Variants in CYP4F3 observed in about 807,000 individuals in gnomAD.
CYP4F3 encodes cytochrome P450 4F3.
A neutral mutation model predicts 54.8 loss-of-function variants in CYP4F3; 50 were observed. The ratio of observed to expected loss-of-function variants is 0.91; its 90% CI spans 0.73 to 1.16. The LOEUF is 1.16. Among genes scored for constraint, CYP4F3 ranks in the 50% most tolerant of loss-of-function variants. CYP4F3 has a pLI of 0.00. For missense variants in CYP4F3, 715 were observed against 676.2 expected (o/e 1.06, Z -0.64); for synonymous variants, 244 against 262.6 (o/e 0.93, Z 0.69).
In CYP4F3 at chr19:15,645,719, A is replaced by G; in HGVS notation, c.199A>G (p.Ile67Val). The part of the protein sequence containing the change: ...RNWFLGHLGL[I>V]HSSEEGLLYT... ...TTGGGTCCTGTGTCTTTCTCTCCAG[A>G]TTCACAGCTCGGAGGAAGGTCTCCT... Residue 67 changes from isoleucine to valine, a missense_variant and splice_region_variant, in exon 3 of 13, where the codon ATT (isoleucine) becomes GTT (valine). Physicochemically the swap from Ile to Val is conservative, Grantham distance 29. Coordinates refer to ENST00000221307, the MANE Select transcript of CYP4F3 (RefSeq NM_000896.3). 1 of 1,604,742 alleles carries G rather than the reference A, an allele frequency of 6.2e-7. No individual in the cohort carries two copies. Among genetic ancestry groups the G allele is most frequent in the Non-Finnish European group, 8.5e-7 (1 of 1,173,360 alleles).
chr19:15,651,712 A>C (rs531195419), intron 7 of CYP4F3, among the ~76,000 whole-genome samples: 1 of 150,064 alleles, frequency 6.7e-6, no homozygotes, highest in African/African-American at 2.5e-5. Flanking sequence ...TATGTCTATG[A>C]GTATTTGTGT....
In CYP4F3 at chr19:15,652,841, G is replaced by A. The variant is rs762644240; in HGVS notation, c.1004G>A (p.Ser335Asn). Residue 335 changes from serine (S) to asparagine (N), a missense_variant, in exon 9 of 13, where the codon AGT becomes AAT. Transcript: ENST00000221307. ...CCCCCAGGCCATGACACCACAGCCA[G>A]TGGTCTCTCCTGGGTCCTGTACCAC... ...FMFEGHDTTA[S>N]GLSWVLYHLA... 5.0e-6 allele frequency: 8 copies of A among 1,612,752 alleles called. No individual in the cohort carries two copies. In the African/African-American group the frequency reaches 8.0e-5, roughly 16 times the overall value.
intron 8 of CYP4F3, 86 bp downstream of exon 8, chr19:15,652,721 C>T: frequency 6.2e-7 from 1 of 1,607,876 alleles, no homozygotes. Flanking sequence ...CACTTCCCAT[C>T]CCCCTTCCCC....
At position 15,658,249 on chromosome 19, in the gene CYP4F3, G is replaced by A. The variant is rs770600409; in HGVS notation, c.1116-15G>A. ...TGCTCCCTTGATAAGGATTGGGGCT[G>A]GGGTGTTTCCTTAGGGACGACCTGG... On this transcript the variant is annotated splice_polypyrimidine_tract_variant and intron_variant, in intron 9 of 12. Coordinates refer to ENST00000221307, the MANE Select transcript of CYP4F3 (RefSeq NM_000896.3). 1 of 1,613,784 alleles carries A rather than the reference G, an allele frequency of 6.2e-7. No individual in the cohort carries two copies. The highest frequency in any genetic ancestry group is 8.5e-7 in the Non-Finnish European group (1 of 1,179,878).
At position 15,659,425 on chromosome 19, in the gene CYP4F3, C is replaced by T. The variant is rs780052191; in HGVS notation, c.*40C>T. The T allele has an allele frequency of 2.4e-5, 38 of 1,598,926 alleles. 1 individual carries two copies. The South Asian group carries it at 3.6e-4, about 15-fold the overall frequency. On this transcript the variant is annotated 3_prime_UTR_variant, in exon 13 of 13. Transcript: ENST00000221307. ...CACTCTGACCCCACTAAAATGACCC[C>T]TGATTCATCAAAAGTGAGGCCTAGA...
intron 8 of CYP4F3, 75 bp downstream of exon 8, chr19:15,652,710 G>T: frequency 6.2e-7 from 1 of 1,610,416 alleles, no homozygotes; most frequent in Admixed American, 1.7e-5. Context: ...TGGACCCCTC[G>T]CACTTCCCAT....
intron 7 of CYP4F3, among the ~76,000 whole-genome samples, chr19:15,651,531 A>G (rs1972855411): frequency 7.8e-6 from 1 of 128,654 alleles, no homozygotes. Context: ...AATTTTTTGT[A>G]TTTTTAGTAC....
At chr19:15,652,391 C>A (rs1184994509) in intron 7 of CYP4F3, among the ~76,000 whole-genome samples, 178 bp from the exon 8 acceptor site, 1 of 152,062 alleles carries the variant, frequency 6.6e-6, no homozygotes, top group Non-Finnish European at 1.5e-5. Context: ...GGGAGGAAGC[C>A]CATGGGGTTG....
chr19:15,643,983 T>C (rs1448017609), intron 2 of CYP4F3: 10 of 1,606,820 alleles, frequency 6.2e-6, no homozygotes, highest in Non-Finnish European at 8.5e-6. Context: ...AAGGTCTGGA[T>C]GGGCCCCATC....
chr19:15,648,526 C>G (rs1335212305), intron 5 of CYP4F3, among the ~76,000 whole-genome samples: 1 of 152,076 alleles, frequency 6.6e-6, no homozygotes, highest in Non-Finnish European at 1.5e-5. Flanking sequence ...AGAAAGGGTG[C>G]TCAGGACTCA....
Position 15,647,040 on chromosome 19 carries a change from C to A in CYP4F3, c.344-12C>A. On this transcript the variant is annotated splice_polypyrimidine_tract_variant and intron_variant, in intron 3 of 12. Transcript: ENST00000221307. ...TGCCTCCATGGCCCCTGATTGTCCT[C>A]ATTTATGTCAGCTGCCATTGTACCA... 6.2e-7 allele frequency: 1 copy of A among 1,614,110 alleles called. No homozygotes were observed. Among genetic ancestry groups the A allele is most frequent in the Non-Finnish European group, 8.5e-7 (1 of 1,179,994 alleles).
intron 9 of CYP4F3, among the ~76,000 whole-genome samples, chr19:15,654,509 A>G (rs1972963043): frequency 6.6e-6 from 1 of 152,200 alleles, no homozygotes; most frequent in Non-Finnish European, 1.5e-5. Context: ...GTACCCATTA[A>G]TCAACTTCTC....
intron 9 of CYP4F3, among the ~76,000 whole-genome samples, chr19:15,657,537 C>T (rs1388115082): frequency 6.6e-6 from 1 of 152,208 alleles, no homozygotes; most frequent in African/African-American, 2.4e-5. Flanking sequence ...GATCTGCCTG[C>T]CTCGGTCTCC....
Position 15,661,662 on chromosome 19 carries a change from C to T in CYP4F3, c.*2277C>T, listed in dbSNP as rs1054292794. ...TTCTATGTACAAGTCCTTTGTCAGTCGTGTGATTTGCAAGTCTTCTTCCTA... is the reference window on the plus strand; with the variant it reads ...TTCTATGTACAAGTCCTTTGTCAGTTGTGTGATTTGCAAGTCTTCTTCCTA... On this transcript the variant is annotated 3_prime_UTR_variant, in exon 13 of 13. Transcript: ENST00000221307. The T allele has an allele frequency of 6.6e-6, 1 of 152,154 alleles. No homozygotes were observed. The highest frequency in any genetic ancestry group is 1.5e-5 in the Non-Finnish European group (1 of 68,014). 9.4% of individuals were successfully genotyped at this position (152,154 alleles called of 1,614,324 possible). A position where few individuals can be genotyped will look rare whatever the true frequency, so the allele number is the denominator to read the frequency against.
chr19:15,642,908 GGATGGA>G (rs1325398879), intron 2 of CYP4F3, among the ~76,000 whole-genome samples: 3 of 151,608 alleles, frequency 2.0e-5, no homozygotes, highest in African/African-American at 7.3e-5. Flanking sequence ...ATGGATGGAT[GGATGGA>G]TGGATGGATA....
chr19:15,648,352 T>C (rs912377969), intron 5 of CYP4F3, among the ~76,000 whole-genome samples: 3 of 151,862 alleles, frequency 2.0e-5, no homozygotes, highest in African/African-American at 7.3e-5. Flanking sequence ...CATCATATAT[T>C]GCATTACAGG....
rs1340682915 is a variant in CYP4F3 at position 15,649,260 on chromosome 19, G to A, written c.626G>A (p.Ser209Asn). 6.2e-7 allele frequency: 1 copy of A among 1,613,268 alleles called. No homozygotes were observed. Among genetic ancestry groups the A allele is most frequent in the Non-Finnish European group, 8.5e-7 (1 of 1,179,472 alleles). ...GACAGTCTGCAGAAATGTGTCTTCA[G>A]CTTTGACAGCCATTGCCAGGAGTAA... ...TLDSLQKCVF[S>N]FDSHCQEKPS... Residue 209 changes from serine (S) to asparagine (N), a missense_variant, in exon 6 of 13, where the codon AGC (serine) becomes AAC (asparagine). Ser to Asn is a conservative substitution (Grantham distance 46). Transcript: ENST00000221307.
In CYP4F3 at chr19:15,658,507, C is replaced by G; in HGVS notation, c.1266C>G (p.Ile422Met). 1 of 1,614,218 alleles carries G rather than the reference C, an allele frequency of 6.2e-7. No individual in the cohort carries two copies. The highest frequency in any genetic ancestry group is 8.5e-7 in the Non-Finnish European group (1 of 1,180,028). The change falls in exon 11 of 13, where the codon ATC (isoleucine) becomes ATG (methionine). Residue 422 changes from isoleucine (I) to methionine (M), a missense_variant. Ile to Met is a conservative substitution (Grantham distance 10). Coordinates refer to ENST00000221307, the MANE Select transcript of CYP4F3 (RefSeq NM_000896.3). ...CTCCCACAGGCATTATCTGCCTCAT[C>G]AGTGTTTTTGGAACCCATCACAACC... The part of the protein sequence containing the change: ...RVIPKGIICL[I>M]SVFGTHHNPA...
At chr19:15,643,942 T>G in intron 2 of CYP4F3, 1 of 1,605,926 alleles carries the variant, frequency 6.2e-7, no homozygotes, top group East Asian at 2.3e-5. Context: ...GGGTCCTGAC[T>G]CAGCTGGTGG....
Sources: gnomAD v4.1 joint callset for allele counts (sites outside exome capture counted in the v4.1 genomes callset) on GRCh38, gnomAD v4.1.1 for gene constraint, MANE v1.5 for transcripts, NCBI Gene and HGNC (gene_info 2026-07-23, HGNC 2026-07-21) for gene names.